Variants in ITFG1 observed in about 807,000 individuals in gnomAD.
ITFG1 encodes integrin alpha FG-GAP repeat containing 1.
A neutral mutation model predicts 81.8 loss-of-function variants in ITFG1; 34 were observed. That is an observed-to-expected ratio of 0.42 (90% CI 0.32 to 0.55). The LOEUF is 0.55. Among genes scored for constraint, ITFG1 ranks in the 20% least tolerant of loss-of-function variants. The pLI is 0.17. For missense variants in ITFG1, 672 were observed against 755.4 expected (o/e 0.89, Z 1.29); for synonymous variants, 285 against 270.6 (o/e 1.05, Z -0.52).
chr16:47,245,703 T>A (rs578232858), intron 12 of ITFG1, among the ~76,000 whole-genome samples: 15 of 152,316 alleles, frequency 9.8e-5, no homozygotes, highest in Non-Finnish European at 1.6e-4. Context: ...ATCAAACATC[T>A]AAAAAGACCA....
At chr16:47,181,744 G>C (rs1451374273) in intron 14 of ITFG1, among the ~76,000 whole-genome samples, 1 of 152,208 alleles carries the variant, frequency 6.6e-6, no homozygotes, top group Non-Finnish European at 1.5e-5. Context: ...ATAGTAAAGG[G>C]GGAAAGGTGG....
intron 6 of ITFG1, among the ~76,000 whole-genome samples, chr16:47,416,539 G>A (rs1968877646): frequency 6.6e-6 from 1 of 152,200 alleles, no homozygotes. Context: ...CAATGTTGGA[G>A]GTAGGCCCTA....
At chr16:47,203,135 G>T (rs1965447749) in intron 14 of ITFG1, among the ~76,000 whole-genome samples, 1 of 152,104 alleles carries the variant, frequency 6.6e-6, no homozygotes, top group Admixed American at 6.5e-5. Context: ...AAAAAATGTG[G>T]AATATACCTA....
At chr16:47,199,664 T>C (rs1287618959) in intron 14 of ITFG1, among the ~76,000 whole-genome samples, 1 of 152,174 alleles carries the variant, frequency 6.6e-6, no homozygotes, top group Non-Finnish European at 1.5e-5. Context: ...AATTTTTCCA[T>C]GGACCCCATG....
chr16:47,327,745 T>C (rs551600185), intron 8 of ITFG1, among the ~76,000 whole-genome samples: 3,097 of 152,234 alleles, frequency 0.02, 105 homozygotes, highest in African/African-American at 0.07. Flanking sequence ...TCACTGGCCA[T>C]CAGAGAAATG....
At chr16:47,257,454 G>C (rs1193554049) in intron 12 of ITFG1, among the ~76,000 whole-genome samples, 1 of 152,112 alleles carries the variant, frequency 6.6e-6, no homozygotes, top group African/African-American at 2.4e-5. Flanking sequence ...ACAAACATGG[G>C]GGTCAGGTGG....
intron 8 of ITFG1, among the ~76,000 whole-genome samples, chr16:47,344,614 GTTTA>G (rs1463897170): frequency 6.6e-6 from 1 of 152,096 alleles, no homozygotes; most frequent in Non-Finnish European, 1.5e-5. Context: ...TCTATTTTTA[GTTTA>G]TTTAAGTTTT....
chr16:47,317,001 G>C lies in ITFG1; in HGVS notation c.803-3178C>G, dbSNP rs182055945. 9.0e-4 allele frequency among the ~76,000 whole-genome samples: 137 copies of C among 152,242 alleles called. 4 individuals carry two copies. The East Asian group carries it at 0.017, about 19-fold the overall frequency. ...GTAAATACGTATCTCAGGTTTTCTT[G>C]AAGGCCAAAATTCTTTCTCAAAAAC... is the stretch of plus-strand genomic sequence containing the variant. On this transcript the variant is annotated intron_variant, in intron 8 of 17. Coordinates refer to ENST00000320640, the MANE Select transcript of ITFG1 (RefSeq NM_030790.5).
chr16:47,334,209 G>A (rs1319183474), intron 8 of ITFG1, among the ~76,000 whole-genome samples: 1 of 152,150 alleles, frequency 6.6e-6, no homozygotes, highest in Non-Finnish European at 1.5e-5. Context: ...AGCACTTTGG[G>A]AGGCTGAAGC....
intron 10 of ITFG1, among the ~76,000 whole-genome samples, chr16:47,297,747 CAACT>C (rs1031524958): frequency 6.6e-6 from 1 of 151,684 alleles, no homozygotes; most frequent in Admixed American, 6.6e-5. Flanking sequence ...CTCTTATAGG[CAACT>C]AGACATCAGA....
At chr16:47,278,073 A>G (rs1002306388) in intron 10 of ITFG1, among the ~76,000 whole-genome samples, 5 of 151,874 alleles carry the variant, frequency 3.3e-5, no homozygotes, top group African/African-American at 1.2e-4. Context: ...GTTCCCTCAT[A>G]CTCCTATTGT....
chr16:47,222,382 T>TTCCAGGA (rs1269105691), intron 13 of ITFG1, among the ~76,000 whole-genome samples: 1 of 151,776 alleles, frequency 6.6e-6, no homozygotes, highest in Non-Finnish European at 1.5e-5. Context: ...TCAGTTTCCA[T>TTCCAGGA]GCAGTTGAGT....
chr16:47,292,302 G>A (rs781321718), intron 10 of ITFG1, among the ~76,000 whole-genome samples: 4 of 152,122 alleles, frequency 2.6e-5, no homozygotes, highest in East Asian at 1.9e-4. Flanking sequence ...GTGAGCCACC[G>A]TGCCCAGCCT....
At chr16:47,278,697 T>C (rs988465695) in intron 10 of ITFG1, among the ~76,000 whole-genome samples, 18 of 152,324 alleles carry the variant, frequency 1.2e-4, no homozygotes, top group African/African-American at 4.3e-4. Flanking sequence ...CTAATGCTGT[T>C]ACTCTAGGGA....
In ITFG1 at chr16:47,291,154, T is replaced by C. The variant is rs550724066; in HGVS notation, c.1070+20086A>G. ...TGAACTACAGCTTTGGTGGTTATAG[T>C]ATTCTTTGGTTTTTACAGTTACAGT... On this transcript the variant is annotated intron_variant, in intron 10 of 17. Coordinates refer to ENST00000320640, the MANE Select transcript of ITFG1 (RefSeq NM_030790.5). 1.6e-4 allele frequency among the ~76,000 whole-genome samples: 24 copies of C among 152,308 alleles called. No homozygotes were observed. The South Asian group carries it at 4.8e-3, about 30-fold the overall frequency.
intron 14 of ITFG1, among the ~76,000 whole-genome samples, chr16:47,180,567 T>C (rs1351394711): frequency 6.6e-6 from 1 of 152,010 alleles, no homozygotes; most frequent in Non-Finnish European, 1.5e-5. Context: ...ATTTTTTTGG[T>C]GGAGATGGGG....
intron 5 of ITFG1, among the ~76,000 whole-genome samples, chr16:47,432,195 G>T (rs992423418): frequency 2.6e-5 from 4 of 152,118 alleles, no homozygotes; most frequent in African/African-American, 9.7e-5. Flanking sequence ...CTTCTCTACT[G>T]CAGTTAGAAG....
chr16:47,199,130 C>T (rs928826222), intron 14 of ITFG1, among the ~76,000 whole-genome samples: 9 of 151,940 alleles, frequency 5.9e-5, no homozygotes, highest in East Asian at 3.9e-4. Flanking sequence ...AAAAATTACC[C>T]GGGCATCATG....
chr16:47,460,668 G>A (rs1476894829), intron 1 of ITFG1, among the ~76,000 whole-genome samples, 170 bp downstream of exon 1: 1 of 152,186 alleles, frequency 6.6e-6, no homozygotes, highest in Admixed American at 6.5e-5. Context: ...CCTGGGGTTG[G>A]AAAGGGTGGT....
Sources: gnomAD v4.1 joint callset for allele counts (sites outside exome capture counted in the v4.1 genomes callset) on GRCh38, gnomAD v4.1.1 for gene constraint, MANE v1.5 for transcripts, NCBI Gene and HGNC (gene_info 2026-07-23, HGNC 2026-07-21) for gene names.